The following SPINK5 variants were observed in gnomAD, a reference collection of about 807,000 sequenced individuals.
The protein encoded by SPINK5 is serine protease inhibitor Kazal-type 5.
SPINK5 carries 125 observed loss-of-function variants against 151.8 expected under a neutral mutation model. The observed-to-expected ratio is 0.82, with a 90% confidence interval of 0.71 to 0.96. The LOEUF is 0.96. SPINK5 is among the 40% of genes least tolerant of loss of function. SPINK5 has a pLI of 0.00. For synonymous variants in SPINK5, 374 were observed against 395.3 expected (o/e 0.95, Z 0.64); for missense variants, 1,194 against 1,291.9 (o/e 0.92, Z 1.16).
rs1329812917 is a variant in SPINK5, at chr5:148,120,327, A to C, written c.2474A>C (p.Glu825Ala). 1.9e-6 allele frequency: 3 copies of C among 1,605,236 alleles called. No individual in the cohort carries two copies. In the African/African-American group the frequency reaches 4.0e-5, roughly 22 times the overall value. ...EREAAEKKKKEDEDRSNTGER... is the reference protein window; with the variant it reads ...EREAAEKKKKADEDRSNTGER... ...GAAGCAGCTGAAAAAAAAAAGAAAG[A>C]GGATGAAGACAGGAGCAATACAGGA... Residue 825 changes from glutamate (E) to alanine (A), a missense_variant, in exon 26 of 33, where the codon GAG becomes GCG. Transcript: ENST00000256084.
At chr5:148,118,618 T>A in intron 23 of SPINK5, 54 bp downstream of exon 23, 1 of 1,602,084 alleles carries the variant, frequency 6.2e-7, no homozygotes, top group Non-Finnish European at 8.5e-7. Flanking sequence ...TCCTCTTGAA[T>A]GAATGGCTAT....
chr5:148,133,451 C>T (rs1754621616), intron 31 of SPINK5, among the ~76,000 whole-genome samples: 1 of 152,140 alleles, frequency 6.6e-6, no homozygotes, highest in East Asian at 1.9e-4. Flanking sequence ...ATTATTGGTA[C>T]TCAATATAGT....
At chr5:148,094,249 C>G in intron 8 of SPINK5, 105 bp from the exon 9 acceptor site, 1 of 1,278,022 alleles carries the variant, frequency 7.8e-7, no homozygotes. Flanking sequence ...GAGCTATGAT[C>G]ATTCCCCTGC....
intron 4 of SPINK5, among the ~76,000 whole-genome samples, 179 bp from the exon 5 acceptor site, chr5:148,086,226 A>G (rs1172210071): frequency 6.6e-6 from 1 of 151,872 alleles, no homozygotes; most frequent in East Asian, 1.9e-4. Context: ...ATCTAATTTT[A>G]TCTGTTCTTG....
At chr5:148,064,242 A>C (rs1291562824) in intron 1 of SPINK5, 143 bp downstream of exon 1, 1 of 851,616 alleles carries the variant, frequency 1.2e-6, no homozygotes, top group Non-Finnish European at 2.0e-6. Context: ...CAGAGTTCTG[A>C]AGATTTATAT....
chr5:148,121,660 A>T (rs1366187594), intron 26 of SPINK5, among the ~76,000 whole-genome samples: 1 of 94,200 alleles, frequency 1.1e-5, no homozygotes, highest in Non-Finnish European at 2.5e-5. Context: ...TAAAAAAAAA[A>T]TAAAGAAAAT....
chr5:148,135,972 C>A (rs1378203857), intron 32 of SPINK5, among the ~76,000 whole-genome samples: 1 of 152,096 alleles, frequency 6.6e-6, no homozygotes, highest in Non-Finnish European at 1.5e-5. Context: ...TGTACTCTTA[C>A]AATAGTCATT....
chr5:148,093,289 G>T (rs1279014138), intron 8 of SPINK5, among the ~76,000 whole-genome samples: 3 of 151,840 alleles, frequency 2.0e-5, no homozygotes, highest in Non-Finnish European at 4.4e-5. Context: ...ACAGAAAGTA[G>T]CCTGAAAGTA....
chr5:148,121,020 C>A (rs1754244713), intron 26 of SPINK5, among the ~76,000 whole-genome samples: 1 of 151,256 alleles, frequency 6.6e-6, no homozygotes, highest in Non-Finnish European at 1.5e-5. Context: ...TGGCGGGCGC[C>A]TATAGTCCCA....
In SPINK5 at chr5:148,120,001, C is replaced by G; in HGVS notation, c.2314-8C>G. 1 of 1,613,606 alleles carries G rather than the reference C, an allele frequency of 6.2e-7. No homozygotes were observed. Among genetic ancestry groups the G allele is most frequent in the Non-Finnish European group, 8.5e-7 (1 of 1,179,650 alleles). Reference sequence around the variant, plus strand: ...AGCACTTCCAATATAATCTTCCCATCTTTTCAGGATACATGTGATGAGTTT... The same window carrying G: ...AGCACTTCCAATATAATCTTCCCATGTTTTCAGGATACATGTGATGAGTTT... On this transcript the variant is annotated splice_region_variant and splice_polypyrimidine_tract_variant and intron_variant, in intron 24 of 32. Coordinates refer to ENST00000256084, the MANE Select transcript of SPINK5 (RefSeq NM_006846.4).
At chr5:148,101,139 T>A (rs1348863325) in intron 13 of SPINK5, among the ~76,000 whole-genome samples, 1 of 152,122 alleles carries the variant, frequency 6.6e-6, no homozygotes, top group Non-Finnish European at 1.5e-5. Context: ...TCAGGTGAGT[T>A]ATGCATTCCG....
At chr5:148,099,211 G>T in intron 11 of SPINK5, 23 bp from the exon 12 acceptor site, 1 of 1,593,894 alleles carries the variant, frequency 6.3e-7, no homozygotes, top group Non-Finnish European at 8.6e-7. Context: ...TAATGGATCT[G>T]CTTCTTTTTC....
At chr5:148,116,298 T>A in intron 21 of SPINK5, 72 bp from the exon 22 acceptor site, 2 of 1,477,780 alleles carry the variant, frequency 1.4e-6, no homozygotes, top group Non-Finnish European at 1.9e-6. Context: ...GTTCATATAA[T>A]GAGAAACTCA....
chr5:148,064,589 G>A (rs1752528214), intron 1 of SPINK5, among the ~76,000 whole-genome samples: 1 of 152,142 alleles, frequency 6.6e-6, no homozygotes, highest in South Asian at 2.1e-4. Flanking sequence ...TAAATGGGTT[G>A]AAAGCATTTC....
chr5:148,115,667 TG>T (rs543085786), intron 21 of SPINK5, among the ~76,000 whole-genome samples: 120 of 152,218 alleles, frequency 7.9e-4, no homozygotes, highest in Non-Finnish European at 1.4e-3. Context: ...GTTTTGTGTT[TG>T]TTTTTTTGTG....
chr5:148,137,018 GA>G lies in SPINK5; in HGVS notation c.*33del. On this transcript the variant is annotated 3_prime_UTR_variant, in exon 33 of 33. Transcript: ENST00000256084. The stretch of plus-strand genomic sequence containing the variant: ...AGGAAGATTGTTGAAAGCCATGAGG[GA>G]AAAAATAAACCCCAGTTCTGAATCA... 2 of 1,613,162 alleles carry G rather than the reference GA, an allele frequency of 1.2e-6. No homozygotes were observed. The highest frequency in any genetic ancestry group is 1.7e-6 in the Non-Finnish European group (2 of 1,179,344).
chr5:148,113,357 G>A (rs1022719248), intron 20 of SPINK5, among the ~76,000 whole-genome samples: 1 of 152,178 alleles, frequency 6.6e-6, no homozygotes, highest in African/African-American at 2.4e-5. Context: ...ATGGGAGTAT[G>A]AGTATCAGTA....
intron 9 of SPINK5, 42 bp from the exon 10 acceptor site, chr5:148,095,776 A>G: frequency 6.6e-7 from 1 of 1,509,222 alleles, no homozygotes; most frequent in East Asian, 2.3e-5. Context: ...TTGTAACATG[A>G]AGATCGGAAG....
chr5:148,066,504 C>T (rs183767840), intron 2 of SPINK5, among the ~76,000 whole-genome samples: 137 of 151,742 alleles, frequency 9.0e-4, no homozygotes, highest in Non-Finnish European at 1.3e-3. Flanking sequence ...ACTCTCTTGC[C>T]GTATTTTGTT....
Sources: gnomAD v4.1 joint callset for allele counts (sites outside exome capture counted in the v4.1 genomes callset) on GRCh38, gnomAD v4.1.1 for gene constraint, MANE v1.5 for transcripts, NCBI Gene and HGNC (gene_info 2026-07-23, HGNC 2026-07-21) for gene names.